Variants in PADI4 observed in about 807,000 individuals in gnomAD.
PADI4 encodes peptidyl arginine deiminase 4, also known as protein-arginine deiminase type-4.
PADI4 carries 62 observed loss-of-function variants against 75.0 expected under a neutral mutation model. The ratio of observed to expected loss-of-function variants is 0.83; its 90% CI spans 0.67 to 1.02. PADI4 has a LOEUF of 1.02. Ranked by LOEUF, PADI4 falls within the 50% of genes least tolerant of loss-of-function variation. The pLI, the probability that PADI4 is intolerant of heterozygous loss-of-function variation, is 0.00. For missense variants in PADI4, 845 were observed against 850.5 expected (o/e 0.99, Z 0.08); for synonymous variants, 361 against 348.1 (o/e 1.04, Z -0.41).
chr1:17,325,363 GT>G (rs932450911), intron 1 of PADI4, among the ~76,000 whole-genome samples: 1 of 151,938 alleles, frequency 6.6e-6, no homozygotes, highest in African/African-American at 2.4e-5. Flanking sequence ...AATTACATCA[GT>G]TTTTTAAAAA....
At chr1:17,352,265 G>C (rs1238811159) in intron 10 of PADI4, among the ~76,000 whole-genome samples, 1 of 150,982 alleles carries the variant, frequency 6.6e-6, no homozygotes, top group Non-Finnish European at 1.5e-5. Flanking sequence ...TCAAGGAGGT[G>C]ATGGGAGGAG....
chr1:17,317,640 G>T (rs1255715334), intron 1 of PADI4, among the ~76,000 whole-genome samples: 1 of 152,146 alleles, frequency 6.6e-6, no homozygotes, highest in African/African-American at 2.4e-5. Flanking sequence ...AAAAATCAGG[G>T]TAATTCAGCA....
At position 17,339,712 on chromosome 1, in the gene PADI4, C is replaced by T; in HGVS notation, c.551C>T (p.Thr184Ile). Reference protein sequence around the residue: ...SEDLQDMSLMTLSTKTPKDFF... With the variant: ...SEDLQDMSLMILSTKTPKDFF... ...GACCTGCAGGACATGTCGCTGATGA[C>T]CCTGAGCACGAAGACCCCCAAGGAC... is the stretch of plus-strand genomic sequence containing the variant. The change falls in exon 6 of 16, where the codon ACC (threonine) becomes ATC (isoleucine). Residue 184 changes from threonine to isoleucine, a missense_variant. Transcript: ENST00000375448. The T allele has an allele frequency of 6.2e-7, 1 of 1,613,962 alleles. No individual in the cohort carries two copies. The highest frequency in any genetic ancestry group is 8.5e-7 in the Non-Finnish European group (1 of 1,179,952).
chr1:17,355,156 G>C (rs2074738349), intron 11 of PADI4, among the ~76,000 whole-genome samples: 1 of 152,232 alleles, frequency 6.6e-6, no homozygotes, highest in South Asian at 2.1e-4. Flanking sequence ...GGGCCACCTG[G>C]AGATCTGGGA....
chr1:17,348,126 C>T (rs763659071), intron 10 of PADI4, 78 bp downstream of exon 10: 1 of 899,148 alleles, frequency 1.1e-6, no homozygotes, highest in South Asian at 1.4e-5. Flanking sequence ...AGCCTGCCTT[C>T]CCCGCCCGCG....
chr1:17,362,954 G>C (rs1570106891), intron 15 of PADI4, among the ~76,000 whole-genome samples: 5 of 151,714 alleles, frequency 3.3e-5, no homozygotes, highest in Admixed American at 3.3e-4. Context: ...AGCCTCCCAA[G>C]TAGCTGGGAT....
chr1:17,322,599 A>T (rs1002481186), intron 1 of PADI4, among the ~76,000 whole-genome samples: 1 of 152,292 alleles, frequency 6.6e-6, no homozygotes, highest in Non-Finnish European at 1.5e-5. Context: ...TTGTGGGCCA[A>T]TTGTGAGGGA....
chr1:17,357,486 A>T (rs950838275), intron 13 of PADI4, among the ~76,000 whole-genome samples: 6 of 152,144 alleles, frequency 3.9e-5, no homozygotes, highest in Non-Finnish European at 8.8e-5. Context: ...GACATTTCTT[A>T]TTGACAGCAA....
chr1:17,360,228 T>C (rs1043949318), intron 15 of PADI4, among the ~76,000 whole-genome samples: 3 of 151,480 alleles, frequency 2.0e-5, no homozygotes, highest in African/African-American at 7.3e-5. Context: ...GAGACGGAGG[T>C]TGCAGTGAGC....
chr1:17,335,826 G>A (rs2074299290), intron 3 of PADI4, among the ~76,000 whole-genome samples: 1 of 152,208 alleles, frequency 6.6e-6, no homozygotes, highest in Non-Finnish European at 1.5e-5. Flanking sequence ...GCTTCACATC[G>A]AACCTCTCAT....
Position 17,363,980 on chromosome 1 carries a change from T to G in PADI4, c.*225T>G, listed in dbSNP as rs147966176. 5.6e-4 allele frequency: 234 copies of G among 421,220 alleles called. 1 individual carries two copies. Among genetic ancestry groups the G allele is most frequent in the African/African-American group, 4.3e-3 (214 of 50,252 alleles). 26.1% of individuals were successfully genotyped at this position (421,220 alleles called of 1,614,324 possible). A position where few individuals can be genotyped will look rare whatever the true frequency, so the allele number is the denominator to read the frequency against. On this transcript the variant is annotated 3_prime_UTR_variant, in exon 16 of 16. Coordinates refer to ENST00000375448, the MANE Select transcript of PADI4 (RefSeq NM_012387.3). The stretch of plus-strand genomic sequence containing the variant: ...TCTGCTCTAAGAAGCTGCAATAAAG[T>G]TTTTTTAAGTCACTTTGTACATGAG...
intron 2 of PADI4, among the ~76,000 whole-genome samples, chr1:17,331,872 T>A (rs1165446546): frequency 6.6e-6 from 1 of 152,078 alleles, no homozygotes; most frequent in African/African-American, 2.4e-5. Context: ...GAGCCAAGAT[T>A]GCGCCACTTC....
chr1:17,363,686 G>C lies in PADI4; in HGVS notation c.1923G>C (p.Gly641=). 1 of 1,614,224 alleles carries C rather than the reference G, an allele frequency of 6.2e-7. No homozygotes were observed. Among genetic ancestry groups the C allele is most frequent in the Non-Finnish European group, 8.5e-7 (1 of 1,180,024 alleles). ...NDFFTYHIRH[G]EVHCGTNVRR... ...TCTTCACCTACCACATCAGGCATGG[G>C]GAGGTGCACTGCGGCACCAACGTGC... Residue 641 remains glycine, a synonymous_variant, in exon 16 of 16, where the codon GGG becomes GGC. Transcript: ENST00000375448.
chr1:17,312,284 A>AC (rs1375203247), intron 1 of PADI4, among the ~76,000 whole-genome samples: 2 of 151,998 alleles, frequency 1.3e-5, no homozygotes, highest in African/African-American at 2.4e-5. Context: ...ACATGGTGAA[A>AC]CCCCATCTCT....
intron 1 of PADI4, among the ~76,000 whole-genome samples, chr1:17,313,809 T>C (rs1404192164): frequency 2.6e-5 from 4 of 151,796 alleles, no homozygotes; most frequent in Non-Finnish European, 5.9e-5. Context: ...GTATGGAGGG[T>C]GTTGGAAGTT....
At chr1:17,313,040 A>AG (rs1386032943) in intron 1 of PADI4, among the ~76,000 whole-genome samples, 8 of 152,030 alleles carry the variant, frequency 5.3e-5, no homozygotes, top group Admixed American at 5.2e-4. Context: ...AAATACAAAA[A>AG]TTAGCTGAGC....
intron 1 of PADI4, among the ~76,000 whole-genome samples, chr1:17,312,028 A>G (rs888888760): frequency 6.6e-6 from 1 of 152,228 alleles, no homozygotes; most frequent in African/African-American, 2.4e-5. Context: ...GAAAATGACT[A>G]AAGTGAGTGT....
Position 17,341,940 on chromosome 1 carries a change from T to A in PADI4, c.653-3T>A, listed in dbSNP as rs2074425663. The A allele has an allele frequency of 6.2e-7, 1 of 1,612,302 alleles. No individual in the cohort carries two copies. The highest frequency in any genetic ancestry group is 1.3e-5 in the African/African-American group (1 of 74,826). The stretch of plus-strand genomic sequence containing the variant: ...ACCTGAGTCTCCCCTGCCTCTCTCC[T>A]AGGGGGCAAACTGTCCTCCAAGTGC... On this transcript the variant is annotated splice_polypyrimidine_tract_variant and splice_region_variant and intron_variant, in intron 6 of 15. Transcript: ENST00000375448.
chr1:17,331,112 C>T lies in PADI4; in HGVS notation c.236C>T (p.Thr79Met), dbSNP rs35809521. 3.1e-3 allele frequency: 4,942 copies of T among 1,611,938 alleles called. 121 individuals are homozygous for T. The African/African-American group carries it at 0.057, about 19-fold the overall frequency. ...PLDPGVEVTL[T>M]MKVASGSTGD... ...GACCCTGGGGTAGAGGTGACCCTGACGATGAAAGTGGCCAGTGGTAGCACA... is the reference window on the plus strand; with the variant it reads ...GACCCTGGGGTAGAGGTGACCCTGATGATGAAAGTGGCCAGTGGTAGCACA... Residue 79 changes from threonine (T) to methionine (M), a missense_variant, in exon 2 of 16, where the codon ACG becomes ATG. By Grantham distance (81) the Thr-to-Met change is moderately conservative. Coordinates refer to ENST00000375448, the MANE Select transcript of PADI4 (RefSeq NM_012387.3).
Sources: gnomAD v4.1 joint callset for allele counts (sites outside exome capture counted in the v4.1 genomes callset) on GRCh38, gnomAD v4.1.1 for gene constraint, MANE v1.5 for transcripts, NCBI Gene and HGNC (gene_info 2026-07-23, HGNC 2026-07-21) for gene names.